EGLN3: variants seen among roughly 807,000 people sequenced by gnomAD.
EGLN3 encodes the protein egl-9 family hypoxia inducible factor 3.
EGLN3 carries 15 observed loss-of-function variants against 26.0 expected under a neutral mutation model. That is an observed-to-expected ratio of 0.58 (90% CI 0.39 to 0.89). EGLN3 has a LOEUF of 0.89. Ranked by LOEUF, EGLN3 falls within the 40% of genes least tolerant of loss-of-function variation. The pLI, the probability that EGLN3 is intolerant of heterozygous loss-of-function variation, is 0.00. For synonymous variants in EGLN3, 147 were observed against 127.2 expected (o/e 1.16, Z -1.05); for missense variants, 238 against 311.6 (o/e 0.76, Z 1.78).
chr14:33,950,729 C>A lies in EGLN3; in HGVS notation c.24G>T (p.Arg8Ser). 2 of 1,613,208 alleles carry A rather than the reference C, an allele frequency of 1.2e-6. No individual in the cohort carries two copies. Among genetic ancestry groups the A allele is most frequent in the Non-Finnish European group, 8.5e-7 (1 of 1,179,454 alleles). MPLGHIM[R>S]LDLEKIALEY... ...CCAGGGCAATTTTCTCCAGGTCCAG[C>A]CTCATGATGTGTCCCAGGGGCATCT... is the stretch of plus-strand genomic sequence containing the variant. Residue 8 changes from arginine (R) to serine (S), a missense_variant, in exon 1 of 5, where the codon AGG (arginine) becomes AGT (serine). Arg to Ser is a moderately radical substitution (Grantham distance 110). Transcript: ENST00000250457.
At chr14:33,942,731 A>T (rs775693643) in intron 1 of EGLN3, among the ~76,000 whole-genome samples, 5 of 152,202 alleles carry the variant, frequency 3.3e-5, no homozygotes. Context: ...GATTCTTTGT[A>T]TTCTGGAATT....
intron 1 of EGLN3, among the ~76,000 whole-genome samples, chr14:33,944,418 C>T (rs1025260612): frequency 6.6e-6 from 1 of 152,180 alleles, no homozygotes; most frequent in Admixed American, 6.5e-5. Flanking sequence ...CTGCACCCAG[C>T]CACCCTTTCT....
chr14:33,930,330 T>A (rs1441857083), intron 2 of EGLN3, among the ~76,000 whole-genome samples: 1 of 152,244 alleles, frequency 6.6e-6, no homozygotes, highest in Non-Finnish European at 1.5e-5. Flanking sequence ...ATTCAATGGT[T>A]TCCCAAGTTT....
At position 33,926,030 on chromosome 14, in the gene EGLN3, A is replaced by G. The variant is rs1046331562; in HGVS notation, c.689-108T>C. On this transcript the variant is annotated intron_variant, in intron 4 of 4. Transcript: ENST00000250457. ...CTCCAGTAAACACTTCCCATCTTAT[A>G]TAAGCCTCCTAATAGAGCTCTGCCA... The G allele has an allele frequency of 4.8e-6, 5 of 1,044,674 alleles. No individual in the cohort carries two copies. The African/African-American group carries it at 6.3e-5, about 13-fold the overall frequency. 64.7% of individuals were successfully genotyped at this position (1,044,674 alleles called of 1,614,324 possible).
chr14:33,928,113 G>T (rs139383971), intron 3 of EGLN3, among the ~76,000 whole-genome samples: 1 of 152,012 alleles, frequency 6.6e-6, no homozygotes, highest in Non-Finnish European at 1.5e-5. Context: ...AAAGACTTCT[G>T]CCACAAACAA....
chr14:33,928,840 A>G (rs2064380407), intron 3 of EGLN3, among the ~76,000 whole-genome samples: 1 of 152,226 alleles, frequency 6.6e-6, no homozygotes, highest in Admixed American at 6.5e-5. Flanking sequence ...TTGGAATCCA[A>G]TATGCTCATC....
At chr14:33,933,480 T>G (rs533886237) in intron 1 of EGLN3, among the ~76,000 whole-genome samples, 53 of 152,248 alleles carry the variant, frequency 3.5e-4, no homozygotes, top group Middle Eastern at 3.4e-3. Context: ...GGCAAAGAGA[T>G]AATTTTTCTG....
intron 1 of EGLN3, among the ~76,000 whole-genome samples, chr14:33,947,201 T>C (rs2064523941): frequency 6.6e-6 from 1 of 152,108 alleles, no homozygotes; most frequent in South Asian, 2.1e-4. Context: ...TTATGACCAA[T>C]ATTTATCTTG....
chr14:33,926,807 G>T (rs2064365264), intron 4 of EGLN3, among the ~76,000 whole-genome samples, 153 bp downstream of exon 4: 1 of 152,104 alleles, frequency 6.6e-6, no homozygotes, highest in African/African-American at 2.4e-5. Flanking sequence ...AGAGCCCTAA[G>T]GCCAAGGTTT....
intron 1 of EGLN3, among the ~76,000 whole-genome samples, chr14:33,943,521 T>C (rs2064497610): frequency 6.6e-6 from 1 of 152,228 alleles, no homozygotes; most frequent in African/African-American, 2.4e-5. Flanking sequence ...AACAAAAAGT[T>C]AATAACCTTC....
chr14:33,926,307 T>A (rs963110885), intron 4 of EGLN3, among the ~76,000 whole-genome samples: 3 of 152,218 alleles, frequency 2.0e-5, no homozygotes, highest in African/African-American at 7.2e-5. Context: ...AAATGGGTTA[T>A]GGGCTAGGCA....
At chr14:33,940,798 G>A (rs1008127385) in intron 1 of EGLN3, among the ~76,000 whole-genome samples, 3 of 151,968 alleles carry the variant, frequency 2.0e-5, no homozygotes, top group African/African-American at 7.3e-5. Context: ...GCAGTAATGA[G>A]GAGAATTACT....
At chr14:33,927,540 G>A (rs1047803493) in intron 3 of EGLN3, among the ~76,000 whole-genome samples, 2 of 152,120 alleles carry the variant, frequency 1.3e-5, no homozygotes, top group African/African-American at 4.8e-5. Context: ...AGGAATTCCA[G>A]GTATGTGCCA....
At chr14:33,933,680 C>T (rs1274327813) in intron 1 of EGLN3, among the ~76,000 whole-genome samples, 1 of 152,086 alleles carries the variant, frequency 6.6e-6, no homozygotes, top group Non-Finnish European at 1.5e-5. Flanking sequence ...CAACTATTTG[C>T]TCGTCTTTGA....
chr14:33,934,622 T>TG (rs1397011620), intron 1 of EGLN3, among the ~76,000 whole-genome samples: 1 of 152,202 alleles, frequency 6.6e-6, no homozygotes, highest in Non-Finnish European at 1.5e-5. Context: ...TTGGCATCAG[T>TG]GACCTCCACC....
intron 1 of EGLN3, among the ~76,000 whole-genome samples, chr14:33,932,509 T>C (rs997935955): frequency 1.2e-4 from 19 of 152,078 alleles, no homozygotes; most frequent in African/African-American, 3.9e-4. Context: ...TCACTCTCAA[T>C]AGTAGCATGA....
At chr14:33,928,142 C>A (rs2064375405) in intron 3 of EGLN3, among the ~76,000 whole-genome samples, 1 of 152,034 alleles carries the variant, frequency 6.6e-6, no homozygotes. Flanking sequence ...AGTTACATAC[C>A]CCATAAAACA....
rs919706691 is a variant in EGLN3, at chr14:33,951,045, G to C, written c.-293C>G. On this transcript the variant is annotated 5_prime_UTR_variant, in exon 1 of 5. Coordinates refer to ENST00000250457, the MANE Select transcript of EGLN3 (RefSeq NM_022073.4). ...AGTCGGAGGGCGCCTTTTGGGGATGGGAAGCCACCACTGCCGCGACTGCGG... is the reference window on the plus strand; with the variant it reads ...AGTCGGAGGGCGCCTTTTGGGGATGCGAAGCCACCACTGCCGCGACTGCGG... 15 of 377,472 alleles carry C rather than the reference G, an allele frequency of 4.0e-5. No homozygotes were observed. Among genetic ancestry groups the C allele is most frequent in the African/African-American group, 8.3e-5 (4 of 48,310 alleles). The allele number at this position is 377,472 out of a possible 1,614,324, so 23.4% of individuals were successfully genotyped here. A position where few individuals can be genotyped will look rare whatever the true frequency, so the allele number is the denominator to read the frequency against.
At chr14:33,937,523 G>A (rs1180494808) in intron 1 of EGLN3, among the ~76,000 whole-genome samples, 3 of 152,194 alleles carry the variant, frequency 2.0e-5, no homozygotes, top group East Asian at 3.8e-4. Flanking sequence ...TCCAGCCACC[G>A]TGTTCACCTT....
Sources: gnomAD v4.1 joint callset for allele counts (sites outside exome capture counted in the v4.1 genomes callset) on GRCh38, gnomAD v4.1.1 for gene constraint, MANE v1.5 for transcripts, NCBI Gene and HGNC (gene_info 2026-07-23, HGNC 2026-07-21) for gene names.